The following ATP2B1 variants were observed in gnomAD, a reference collection of about 807,000 sequenced individuals.
ATP2B1 encodes the protein ATPase plasma membrane Ca2+ transporting 1, also known as plasma membrane calcium-transporting ATPase 1.
Under a neutral mutation model 124.2 loss-of-function variants are expected in ATP2B1, and 14 were observed. The ratio of observed to expected loss-of-function variants is 0.11; its 90% CI spans 0.07 to 0.18. ATP2B1 has a LOEUF of 0.18. Ranked by LOEUF, ATP2B1 falls within the 10% of genes least tolerant of loss-of-function variation. The pLI, the probability that ATP2B1 is intolerant of heterozygous loss-of-function variation, is 1.00. For missense variants in ATP2B1, 763 were observed against 1,466.1 expected (o/e 0.52, Z 7.83); for synonymous variants, 449 against 492.4 (o/e 0.91, Z 1.17).
At chr12:89,612,988 C>A in intron 12 of ATP2B1, among the ~76,000 whole-genome samples, 1 of 148,728 alleles carries the variant, frequency 6.7e-6, no homozygotes, top group Admixed American at 6.7e-5. Flanking sequence ...AGACAAGGTA[C>A]TTTTTTTTTT....
At chr12:89,656,347 C>T (rs989589573) in intron 1 of ATP2B1, among the ~76,000 whole-genome samples, 1 of 152,226 alleles carries the variant, frequency 6.6e-6, no homozygotes, top group South Asian at 2.1e-4. Flanking sequence ...CTGCACTTCA[C>T]ATGACTGAAT....
intron 12 of ATP2B1, among the ~76,000 whole-genome samples, chr12:89,616,029 G>A (rs1455641648): frequency 6.6e-6 from 1 of 152,098 alleles, no homozygotes; most frequent in Non-Finnish European, 1.5e-5. Context: ...AGGCTAGGTT[G>A]GGAACTCGTG....
intron 12 of ATP2B1, among the ~76,000 whole-genome samples, chr12:89,612,997 T>G (rs1293136703): frequency 6.6e-6 from 1 of 152,110 alleles, no homozygotes; most frequent in African/African-American, 2.4e-5. Flanking sequence ...ACTTTTTTTT[T>G]TAAGATGGGT....
intron 12 of ATP2B1, among the ~76,000 whole-genome samples, 186 bp downstream of exon 12, chr12:89,616,616 T>C (rs1428604411): frequency 1.3e-5 from 2 of 152,064 alleles, no homozygotes; most frequent in Non-Finnish European, 2.9e-5. Flanking sequence ...AGAGACACTG[T>C]CTTTAAAAAC....
At chr12:89,702,160 C>T (rs1273246834) in intron 1 of ATP2B1, among the ~76,000 whole-genome samples, 3 of 152,106 alleles carry the variant, frequency 2.0e-5, no homozygotes, top group African/African-American at 7.2e-5. Flanking sequence ...CTTGAAGTAC[C>T]AGAGAAGTTC....
At chr12:89,703,794 A>ACAAAT (rs1437384553) in intron 1 of ATP2B1, among the ~76,000 whole-genome samples, 1 of 152,204 alleles carries the variant, frequency 6.6e-6, no homozygotes, top group Non-Finnish European at 1.5e-5. Flanking sequence ...ATCGACATCA[A>ACAAAT]CAAATCAAAC....
At chr12:89,599,360 C>T in intron 19 of ATP2B1, 61 bp from the exon 20 acceptor site, 1 of 1,542,876 alleles carries the variant, frequency 6.5e-7, no homozygotes, top group South Asian at 1.2e-5. Context: ...AGCTGATCAA[C>T]TGTAATACTA....
intron 1 of ATP2B1, among the ~76,000 whole-genome samples, chr12:89,705,220 G>A (rs1257232578): frequency 6.6e-6 from 1 of 151,966 alleles, no homozygotes; most frequent in African/African-American, 2.4e-5. Flanking sequence ...CATAACCATT[G>A]TATGTTATTT....
intron 1 of ATP2B1, among the ~76,000 whole-genome samples, chr12:89,699,427 T>C (rs1466020861): frequency 3.3e-5 from 5 of 152,156 alleles, no homozygotes; most frequent in African/African-American, 9.7e-5. Flanking sequence ...GTCAAAATGA[T>C]GACAAAGTAG....
intron 20 of ATP2B1, among the ~76,000 whole-genome samples, 155 bp from the exon 21 acceptor site, chr12:89,591,450 T>C (rs757954574): frequency 2.6e-5 from 4 of 152,022 alleles, no homozygotes; most frequent in Non-Finnish European, 5.9e-5. Flanking sequence ...AAAAAATGAA[T>C]ATTTTAGTAA....
At chr12:89,642,017 T>G (rs1472232912) in intron 3 of ATP2B1, 141 bp downstream of exon 3, 1 of 796,342 alleles carries the variant, frequency 1.3e-6, no homozygotes, top group Non-Finnish European at 2.0e-6. Flanking sequence ...TTATCTGAGA[T>G]AATATATTTA....
At chr12:89,652,114 TTGTGAACTGTCTCCCCA>T in intron 2 of ATP2B1, among the ~76,000 whole-genome samples, 1 of 152,334 alleles carries the variant, frequency 6.6e-6, no homozygotes, top group East Asian at 1.9e-4. Context: ...ACTAGTTGTC[TTGTGAACTGTCTCCCCA>T]TGTGAACATG....
At chr12:89,609,888 A>C (rs572153680) in intron 15 of ATP2B1, 49 bp downstream of exon 15, 99 of 1,534,270 alleles carry the variant, frequency 6.5e-5, no homozygotes, top group Middle Eastern at 1.7e-4. Flanking sequence ...ACAAACAAAC[A>C]AACCAGTCAG....
At position 89,601,316 on chromosome 12, in the gene ATP2B1, A is replaced by C; in HGVS notation, c.3168+10T>G. 1 of 1,534,126 alleles carries C rather than the reference A, an allele frequency of 6.5e-7. No individual in the cohort carries two copies. The highest frequency in any genetic ancestry group is 8.8e-7 in the Non-Finnish European group (1 of 1,141,338). On this transcript the variant is annotated intron_variant, in intron 19 of 20. Transcript: ENST00000428670. Reference sequence around the variant, plus strand: ...CTTTAGGTTTAAACAAAAACTGATGAAATTTTTACCTGGCCCCAGAGTAAT... The same window carrying C: ...CTTTAGGTTTAAACAAAAACTGATGCAATTTTTACCTGGCCCCAGAGTAAT...
rs370692154 is a variant in ATP2B1 at position 89,664,678 on chromosome 12, T to C, written c.-221-8571A>G. Among the ~76,000 whole-genome samples the C allele has an allele frequency of 2.0e-5, 3 of 152,298 alleles. No homozygotes were observed. In the East Asian group the frequency reaches 5.8e-4, roughly 29 times the overall value. ...TGATCGAACACTTCATGAGACTGTC[T>C]AACAACTTCTCAGATAACAGTGATG... is the stretch of plus-strand genomic sequence containing the variant. On this transcript the variant is annotated intron_variant, in intron 1 of 20. Transcript: ENST00000428670.
chr12:89,632,660 A>C (rs1882055109), intron 5 of ATP2B1, among the ~76,000 whole-genome samples: 1 of 152,180 alleles, frequency 6.6e-6, no homozygotes, highest in Admixed American at 6.5e-5. Flanking sequence ...TAAACTTAAG[A>C]AGCCAAGAAC....
chr12:89,607,788 A>G (rs1205629292), intron 15 of ATP2B1, among the ~76,000 whole-genome samples: 1 of 152,162 alleles, frequency 6.6e-6, no homozygotes, highest in Non-Finnish European at 1.5e-5. Flanking sequence ...ATGACAAGAA[A>G]AAGTCTGCAC....
intron 20 of ATP2B1, among the ~76,000 whole-genome samples, chr12:89,597,942 T>C (rs1444498274): frequency 7.1e-6 from 1 of 140,628 alleles, no homozygotes; most frequent in African/African-American, 2.6e-5. Context: ...CTAAATTGTC[T>C]ATACAAATGG....
Position 89,619,896 on chromosome 12 carries a change from A to C in ATP2B1, c.1829+103T>G. 2.1e-6 allele frequency: 3 copies of C among 1,450,846 alleles called. No individual in the cohort carries two copies. In the South Asian group the frequency reaches 4.2e-5, roughly 20 times the overall value. 89.9% of individuals were successfully genotyped at this position (1,450,846 alleles called of 1,614,324 possible). A position where few individuals can be genotyped will look rare whatever the true frequency, so the allele number is the denominator to read the frequency against. ...GCTAAAAAACTCTGAGGTCCTATCA[A>C]ATGCCTGATGTTCACAAAAAGACAA... On this transcript the variant is annotated intron_variant, in intron 11 of 20. Coordinates refer to ENST00000428670, the MANE Select transcript of ATP2B1 (RefSeq NM_001366521.1).
Sources: allele counts gnomAD v4.1 joint callset (sites outside exome capture counted in the v4.1 genomes callset), GRCh38; gene constraint gnomAD v4.1.1; transcripts MANE v1.5; gene names NCBI Gene and HGNC (gene_info 2026-07-23, HGNC 2026-07-21).